AOAH: variants seen among roughly 807,000 people sequenced by gnomAD.
AOAH encodes the protein acyloxyacyl hydrolase.
A neutral mutation model predicts 92.2 loss-of-function variants in AOAH; 64 were observed. The ratio of observed to expected loss-of-function variants is 0.69; its 90% confidence interval spans 0.57 to 0.86. The LOEUF is 0.86. Among genes scored for constraint, AOAH ranks in the 40% least tolerant of loss-of-function variants. The pLI is 0.00. For missense variants in AOAH, 656 were observed against 694.6 expected (o/e 0.94, Z 0.62); for synonymous variants, 263 against 254.5 (o/e 1.03, Z -0.32).
chr7:36,545,338 T>C (rs900652317), intron 15 of AOAH, among the ~76,000 whole-genome samples: 3 of 152,220 alleles, frequency 2.0e-5, no homozygotes, highest in Admixed American at 2.0e-4. Flanking sequence ...TTGCTACCCA[T>C]GTCTCTCACT....
chr7:36,590,665 T>C (rs565812690), intron 12 of AOAH, among the ~76,000 whole-genome samples: 28 of 152,346 alleles, frequency 1.8e-4, no homozygotes, highest in African/African-American at 6.3e-4. Flanking sequence ...AGCAGAAGGC[T>C]GATCATGATG....
At chr7:36,635,155 AC>A in intron 5 of AOAH, among the ~76,000 whole-genome samples, 1 of 152,294 alleles carries the variant, frequency 6.6e-6, no homozygotes, top group South Asian at 2.1e-4. Context: ...CTAGATAGAG[AC>A]AAAATGTGGG....
intron 11 of AOAH, among the ~76,000 whole-genome samples, 168 bp downstream of exon 11, chr7:36,616,212 T>C (rs199812449): frequency 1.3e-5 from 2 of 152,318 alleles, no homozygotes; most frequent in East Asian, 3.9e-4. Context: ...AAGGAACCTT[T>C]TGCCATTTGT....
At chr7:36,700,582 T>C (rs962830582) in intron 1 of AOAH, among the ~76,000 whole-genome samples, 4 of 152,156 alleles carry the variant, frequency 2.6e-5, no homozygotes, top group South Asian at 2.1e-4. Flanking sequence ...CAATGATCCA[T>C]TGATGGACAC....
At chr7:36,668,232 A>ATCAG (rs1341386302) in intron 3 of AOAH, among the ~76,000 whole-genome samples, 1 of 152,108 alleles carries the variant, frequency 6.6e-6, no homozygotes, top group Admixed American at 6.5e-5. Flanking sequence ...ACTATGAGAA[A>ATCAG]TCAGTTGAAC....
intron 12 of AOAH, among the ~76,000 whole-genome samples, chr7:36,580,896 T>G (rs1788884075): frequency 6.6e-6 from 1 of 152,162 alleles, no homozygotes; most frequent in African/African-American, 2.4e-5. Flanking sequence ...TTGGCAACAC[T>G]CTGGGGCATG....
In AOAH at chr7:36,724,116, C is replaced by A. The variant is rs771387514; in HGVS notation, c.33G>T (p.Ala11=). Residue 11 remains alanine (A), a synonymous_variant, in exon 1 of 21, where the codon GCG becomes GCT. Coordinates refer to ENST00000617537, the MANE Select transcript of AOAH (RefSeq NM_001637.4). ...GAAGAGACAGGAGCAAGAATAGAGG[C>A]GCCACCGTAAGGATTTTCCAGGGGG... The part of the protein sequence containing the change: MQSPWKILTV[A]PLFLLLSLQS... 1.9e-6 allele frequency: 3 copies of A among 1,613,292 alleles called. No homozygotes were observed. Among genetic ancestry groups the A allele is most frequent in the Non-Finnish European group, 2.5e-6 (3 of 1,179,638 alleles).
intron 1 of AOAH, among the ~76,000 whole-genome samples, chr7:36,692,288 CTT>C (rs745428478): frequency 1.6e-4 from 25 of 152,298 alleles, no homozygotes; most frequent in Middle Eastern, 3.4e-3. Context: ...TCCACGAACT[CTT>C]TGAAAAATAA....
intron 2 of AOAH, among the ~76,000 whole-genome samples, chr7:36,681,324 G>T (rs1796628717): frequency 6.6e-6 from 1 of 152,122 alleles, no homozygotes; most frequent in East Asian, 1.9e-4. Context: ...AACTTATATG[G>T]TAAAGAAGTA....
intron 4 of AOAH, among the ~76,000 whole-genome samples, chr7:36,658,144 TAGTC>T (rs1262879921): frequency 6.6e-6 from 1 of 152,150 alleles, no homozygotes; most frequent in Non-Finnish European, 1.5e-5. Flanking sequence ...AATTCGCACT[TAGTC>T]AGTGACAGAG....
intron 13 of AOAH, among the ~76,000 whole-genome samples, chr7:36,560,753 G>T (rs572526726): frequency 8.5e-4 from 130 of 152,294 alleles, no homozygotes; most frequent in African/African-American, 3.0e-3. Context: ...GCTCTGGCAA[G>T]GACTTCCAGT....
chr7:36,538,281 C>T (rs1175363151), intron 16 of AOAH, among the ~76,000 whole-genome samples: 2 of 152,046 alleles, frequency 1.3e-5, no homozygotes, highest in Non-Finnish European at 2.9e-5. Context: ...CCCACCTCGG[C>T]CTCCCAAATT....
chr7:36,684,821 G>T (rs931540901), intron 2 of AOAH, among the ~76,000 whole-genome samples: 9 of 146,302 alleles, frequency 6.2e-5, no homozygotes, highest in Admixed American at 4.2e-4. Context: ...ATCCTTGGGA[G>T]GCTGAAGCAG....
intron 3 of AOAH, among the ~76,000 whole-genome samples, chr7:36,663,089 C>T (rs1316998276): frequency 1.3e-5 from 2 of 152,152 alleles, no homozygotes; most frequent in Non-Finnish European, 2.9e-5. Flanking sequence ...AGGAACAATT[C>T]CCACCTTTTC....
intron 14 of AOAH, 29 bp downstream of exon 14, chr7:36,549,410 T>C: frequency 6.4e-7 from 1 of 1,561,580 alleles, no homozygotes; most frequent in Non-Finnish European, 8.8e-7. Context: ...AGAAACCAAA[T>C]TAAAAACAAC....
At chr7:36,664,170 G>C (rs1795397591) in intron 3 of AOAH, among the ~76,000 whole-genome samples, 1 of 151,660 alleles carries the variant, frequency 6.6e-6, no homozygotes, top group South Asian at 2.1e-4. Flanking sequence ...CTATTTATTT[G>C]TACTATGTAA....
intron 3 of AOAH, among the ~76,000 whole-genome samples, chr7:36,672,601 C>T (rs1434786779): frequency 6.6e-6 from 1 of 152,122 alleles, no homozygotes; most frequent in African/African-American, 2.4e-5. Context: ...AGGGGAACAT[C>T]ACACACCAGA....
rs1339742582 is a variant in AOAH at position 36,656,880 on chromosome 7, T to TG, written c.390+2285dup. Among the ~76,000 whole-genome samples the TG allele has an allele frequency of 1.7e-4, 23 of 136,718 alleles. 1 individual carries two copies. Among genetic ancestry groups the TG allele is most frequent in the Non-Finnish European group, 2.5e-4 (16 of 64,754 alleles). The allele number at this position is 136,718 out of a possible 152,430, so 89.7% of individuals were successfully genotyped here. On this transcript the variant is annotated intron_variant, in intron 4 of 20. Transcript: ENST00000617537. Reference sequence around the variant, plus strand: ...GGAGGGGTGGCACAAAGAGGTTTGGTGGGGGGTGTTGGCAGTACCAAGAAG... The same window carrying TG: ...GGAGGGGTGGCACAAAGAGGTTTGGTGGGGGGGTGTTGGCAGTACCAAGAAG...
chr7:36,715,430 C>T (rs1380736614), intron 1 of AOAH, among the ~76,000 whole-genome samples: 1 of 152,034 alleles, frequency 6.6e-6, no homozygotes, highest in African/African-American at 2.4e-5. Flanking sequence ...ATGTCATCCC[C>T]ATCAAGCTAC....
Sources: allele counts gnomAD v4.1 joint callset (sites outside exome capture counted in the v4.1 genomes callset), GRCh38; gene constraint gnomAD v4.1.1; transcripts MANE v1.5; gene names NCBI Gene and HGNC (gene_info 2026-07-23, HGNC 2026-07-21).